PARD3: variants seen among roughly 807,000 people sequenced by gnomAD.
PARD3 encodes the protein partitioning defective 3 homolog.
PARD3 carries 75 observed loss-of-function variants against 155.4 expected under a neutral mutation model. The observed-to-expected ratio is 0.48, with a 90% CI of 0.40 to 0.58. The LOEUF (loss-of-function observed/expected upper bound fraction) is 0.58. Ranked by LOEUF, PARD3 falls within the 20% of genes least tolerant of loss-of-function variation. PARD3 has a pLI of 0.00. For missense variants in PARD3, 1,642 were observed against 1,721.7 expected (o/e 0.95, Z 0.82); for synonymous variants, 576 against 610.5 (o/e 0.94, Z 0.83).
chr10:34,490,216 G>A (rs529837971), intron 3 of PARD3, among the ~76,000 whole-genome samples: 41 of 152,290 alleles, frequency 2.7e-4, no homozygotes, highest in Middle Eastern at 3.4e-3. Flanking sequence ...CTCATGCTTG[G>A]ATCTTGTAAT....
At position 34,341,805 on chromosome 10, in the gene PARD3, G is replaced by A; in HGVS notation, c.2230C>T (p.Leu744=). The A allele has an allele frequency of 1.9e-6, 3 of 1,606,428 alleles. No homozygotes were observed. The highest frequency in any genetic ancestry group is 2.2e-5 in the East Asian group (1 of 44,730). ...ALSRIMGKYQ[L]SPTVNMPQDD... Reference sequence around the variant, plus strand: ...TGGGGCATATTCACTGTAGGGGACAGCTGGTATTTACCTGTCCAGTGAAAA... The same window carrying A: ...TGGGGCATATTCACTGTAGGGGACAACTGGTATTTACCTGTCCAGTGAAAA... The change falls in exon 16 of 25, where the codon CTG becomes TTG. Residue 744 remains leucine (L), a synonymous_variant. Transcript: ENST00000374788.
intron 3 of PARD3, among the ~76,000 whole-genome samples, chr10:34,504,525 A>T (rs2080928959): frequency 6.6e-6 from 1 of 152,220 alleles, no homozygotes; most frequent in African/African-American, 2.4e-5. Context: ...CAATATAAAT[A>T]AATTGAGTAA....
At chr10:34,766,617 CAAAAAAA>C (rs34958448) in intron 1 of PARD3, among the ~76,000 whole-genome samples, 23 of 81,778 alleles carry the variant, frequency 2.8e-4, no homozygotes, top group South Asian at 2.8e-3. Flanking sequence ...ACTTAATTGA[CAAAAAAA>C]AAAAAAAAAA....
chr10:34,161,538 CA>C (rs1399995523), intron 22 of PARD3, among the ~76,000 whole-genome samples: 1 of 152,104 alleles, frequency 6.6e-6, no homozygotes, highest in African/African-American at 2.4e-5. Flanking sequence ...GTGGAAATCC[CA>C]AGATGCTGGC....
chr10:34,550,861 T>TA (rs954205110), intron 2 of PARD3, among the ~76,000 whole-genome samples: 6 of 152,158 alleles, frequency 3.9e-5, no homozygotes, highest in African/African-American at 7.2e-5. Context: ...TGCATTATTT[T>TA]AAAAAAACAC....
chr10:34,752,990 T>C (rs1482713124), intron 1 of PARD3, among the ~76,000 whole-genome samples: 1 of 152,242 alleles, frequency 6.6e-6, no homozygotes, highest in Non-Finnish European at 1.5e-5. Flanking sequence ...AAATGCTCCA[T>C]TCATGAGATG....
intron 1 of PARD3, 46 bp from the exon 2 acceptor site, chr10:34,696,465 C>A: frequency 2.6e-6 from 3 of 1,158,058 alleles, no homozygotes; most frequent in Non-Finnish European, 2.6e-6. Context: ...TTAGCATCAC[C>A]AAAAGGGAAT....
chr10:34,361,549 TGGAATGCAAGGAATTTG>T (rs1247459852), intron 12 of PARD3, among the ~76,000 whole-genome samples: 1 of 152,210 alleles, frequency 6.6e-6, no homozygotes, highest in African/African-American at 2.4e-5. Context: ...CAAGGAAATT[TGGAATGCAAGGAATTTG>T]GGGCATAAAC....
chr10:34,332,678 A>G (rs1465468370), intron 18 of PARD3, among the ~76,000 whole-genome samples: 1 of 152,238 alleles, frequency 6.6e-6, no homozygotes. Flanking sequence ...AGGCAAACAC[A>G]TGATTCTAAT....
At chr10:34,397,873 C>CT (rs1379015958) in intron 7 of PARD3, among the ~76,000 whole-genome samples, 3 of 151,906 alleles carry the variant, frequency 2.0e-5, no homozygotes, top group African/African-American at 7.3e-5. Context: ...TTTACCTTAT[C>CT]TTTTTTTTCC....
intron 1 of PARD3, among the ~76,000 whole-genome samples, chr10:34,714,046 C>T (rs2094484152): frequency 6.6e-6 from 1 of 152,136 alleles, no homozygotes; most frequent in East Asian, 1.9e-4. Context: ...TTACTTCTCC[C>T]TAGCAAACAA....
In PARD3 at chr10:34,479,531, G is replaced by C. The variant is rs147004143; in HGVS notation, c.404-9268C>G. On this transcript the variant is annotated intron_variant, in intron 3 of 24. Coordinates refer to ENST00000374788, the MANE Select transcript of PARD3 (RefSeq NM_001184785.2). The stretch of plus-strand genomic sequence containing the variant: ...CCAGTTGCAAATTCTCAATGTCAAG[G>C]CCTGCCGCAATCGAGACTTAGGGTA... Among the ~76,000 whole-genome samples the C allele has an allele frequency of 2.1e-3, 326 of 152,100 alleles. 1 individual carries two copies. Among genetic ancestry groups the C allele is most frequent in the African/African-American group, 7.6e-3 (316 of 41,504 alleles).
intron 2 of PARD3, among the ~76,000 whole-genome samples, chr10:34,599,366 C>G (rs1296393259): frequency 6.6e-6 from 1 of 152,178 alleles, no homozygotes; most frequent in Non-Finnish European, 1.5e-5. Flanking sequence ...TTAAATCACT[C>G]AGCTTTAAAT....
chr10:34,591,725 A>G (rs1365777688), intron 2 of PARD3, among the ~76,000 whole-genome samples: 1 of 152,182 alleles, frequency 6.6e-6, no homozygotes, highest in African/African-American at 2.4e-5. Flanking sequence ...GGTCTCAAGG[A>G]GCAAAAAGAA....
intron 2 of PARD3, among the ~76,000 whole-genome samples, chr10:34,567,039 T>C (rs1268031593): frequency 6.6e-6 from 1 of 152,168 alleles, no homozygotes; most frequent in African/African-American, 2.4e-5. Flanking sequence ...GGAAATAAAG[T>C]ATTGACAAGT....
rs2077529210 is a variant in PARD3 at position 34,459,743 on chromosome 10, A to G, written c.583-9295T>C. Among the ~76,000 whole-genome samples, 4 of 152,282 alleles carry G rather than the reference A, an allele frequency of 2.6e-5. No homozygotes were observed. In the South Asian group the frequency reaches 8.3e-4, roughly 32 times the overall value. On this transcript the variant is annotated intron_variant, in intron 4 of 24. Coordinates refer to ENST00000374788, the MANE Select transcript of PARD3 (RefSeq NM_001184785.2). ...AATTTAAAAACGAATGTATATATAC[A>G]TATATATTTAAATAAATTACTACAA... is the stretch of plus-strand genomic sequence containing the variant.
chr10:34,686,436 TA>T (rs71033335), intron 2 of PARD3, among the ~76,000 whole-genome samples: 86,374 of 147,048 alleles, frequency 0.59, 26,107 homozygotes, highest in Non-Finnish European at 0.67. Flanking sequence ...AGAACTCCCT[TA>T]AAAAAAAAAA....
chr10:34,644,741 A>G (rs2092784509), intron 2 of PARD3, among the ~76,000 whole-genome samples: 1 of 152,180 alleles, frequency 6.6e-6, no homozygotes, highest in Non-Finnish European at 1.5e-5. Flanking sequence ...TTTAGCACAC[A>G]CAGGTCTGCT....
intron 2 of PARD3, among the ~76,000 whole-genome samples, chr10:34,659,714 T>A (rs564272301): frequency 2.2e-4 from 34 of 152,260 alleles, no homozygotes; most frequent in Middle Eastern, 3.4e-3. Flanking sequence ...GCCACCAAGC[T>A]CCACTCAGGA....
Sources: gnomAD v4.1 joint callset for allele counts (sites outside exome capture counted in the v4.1 genomes callset) on GRCh38, gnomAD v4.1.1 for gene constraint, MANE v1.5 for transcripts, NCBI Gene and HGNC (gene_info 2026-07-23, HGNC 2026-07-21) for gene names.